Variants in SORCS1 observed in about 807,000 individuals in gnomAD.
SORCS1 encodes the protein sortilin related VPS10 domain containing receptor 1.
A neutral mutation model predicts 146.1 loss-of-function variants in SORCS1; 60 were observed. The observed-to-expected ratio is 0.41, with a 90% CI of 0.33 to 0.51. SORCS1 has a LOEUF of 0.51. Among genes scored for constraint, SORCS1 ranks in the 20% least tolerant of loss-of-function variants. The probability of loss-of-function intolerance (pLI) is 0.21; values close to 1 mark genes in which losing one functional copy is unlikely to be tolerated. For synonymous variants in SORCS1, 637 were observed against 584.0 expected (o/e 1.09, Z -1.31); for missense variants, 1,352 against 1,487.6 (o/e 0.91, Z 1.50).
In SORCS1 at chr10:106,939,159, C is replaced by T. The variant is rs77957829; in HGVS notation, c.626+17354G>A. ...GCAAAATTAGAAAGAAAACTGACAT[C>T]ACAATAAATACCAATCAAGTTCCAA... On this transcript the variant is annotated intron_variant, in intron 2 of 25. Transcript: ENST00000263054. Among the ~76,000 whole-genome samples, 986 of 152,286 alleles carry T rather than the reference C, an allele frequency of 6.5e-3. 10 individuals are homozygous for T. Among genetic ancestry groups the T allele is most frequent in the African/African-American group, 0.023 (957 of 41,554 alleles).
intron 2 of SORCS1, among the ~76,000 whole-genome samples, chr10:106,840,865 T>TATATATA (rs1564721109): frequency 2.6e-5 from 3 of 116,140 alleles, no homozygotes; most frequent in African/African-American, 3.8e-5. Flanking sequence ...ATATATATAT[T>TATATATA]TTTTTTTTTT....
intron 1 of SORCS1, among the ~76,000 whole-genome samples, chr10:106,999,533 A>G (rs1191085618): frequency 1.3e-5 from 2 of 152,188 alleles, no homozygotes; most frequent in African/African-American, 4.8e-5. Context: ...CACAGAAGAA[A>G]CAGGATTCTG....
intron 5 of SORCS1, among the ~76,000 whole-genome samples, chr10:106,735,581 A>G (rs981839709): frequency 6.6e-6 from 1 of 152,226 alleles, no homozygotes; most frequent in Middle Eastern, 3.2e-3. Context: ...AGTGAAGAGC[A>G]TTCCATTTAC....
At chr10:106,849,976 C>G (rs1220953138) in intron 2 of SORCS1, among the ~76,000 whole-genome samples, 1 of 152,148 alleles carries the variant, frequency 6.6e-6, no homozygotes, top group African/African-American at 2.4e-5. Flanking sequence ...GGAAGAACCA[C>G]TGCTGTCTTC....
intron 3 of SORCS1, among the ~76,000 whole-genome samples, chr10:106,828,270 C>T (rs533759361): frequency 2.0e-5 from 3 of 152,286 alleles, no homozygotes; most frequent in Non-Finnish European, 2.9e-5. Flanking sequence ...TACTGAAGAA[C>T]TTGAAATGCT....
intron 9 of SORCS1, among the ~76,000 whole-genome samples, chr10:106,695,631 G>C (rs1050346086): frequency 6.6e-6 from 1 of 152,178 alleles, no homozygotes; most frequent in Non-Finnish European, 1.5e-5. Flanking sequence ...GAATGGGAGA[G>C]TTATGGAAGG....
intron 3 of SORCS1, among the ~76,000 whole-genome samples, chr10:106,805,841 G>A (rs1277369924): frequency 1.3e-5 from 2 of 151,914 alleles, no homozygotes; most frequent in Non-Finnish European, 1.5e-5. Flanking sequence ...GGTGGATCAC[G>A]AGGTCAGGAG....
At chr10:106,777,724 C>T (rs1354605852) in intron 3 of SORCS1, among the ~76,000 whole-genome samples, 2 of 152,194 alleles carry the variant, frequency 1.3e-5, no homozygotes, top group Admixed American at 1.3e-4. Flanking sequence ...GCCTTAAATC[C>T]TCATTTTATG....
rs79183235 is a variant in SORCS1 at position 107,064,004 on chromosome 10, G to A, written c.558+99965C>T. On this transcript the variant is annotated intron_variant, in intron 1 of 25. Transcript: ENST00000263054. Reference sequence around the variant, plus strand: ...AACACTTTCTAGGCCTCATTGAGTCGAAAGACATTAACCAACCATCTTCAT... The same window carrying A: ...AACACTTTCTAGGCCTCATTGAGTCAAAAGACATTAACCAACCATCTTCAT... 6.0e-4 allele frequency among the ~76,000 whole-genome samples: 92 copies of A among 152,208 alleles called. 1 individual carries two copies. The highest frequency in any genetic ancestry group is 5.2e-3 in the East Asian group (27 of 5,178).
intron 1 of SORCS1, among the ~76,000 whole-genome samples, chr10:107,115,406 G>A (rs995104291): frequency 6.6e-6 from 1 of 151,966 alleles, no homozygotes; most frequent in Admixed American, 6.6e-5. Context: ...TAAAAACAGA[G>A]ATACTAACCA....
chr10:106,714,229 C>A (rs1470615579), intron 6 of SORCS1, among the ~76,000 whole-genome samples: 1 of 143,770 alleles, frequency 7.0e-6, no homozygotes, highest in Non-Finnish European at 1.5e-5. Flanking sequence ...AGGATCAATG[C>A]AAAGATTCAA....
At chr10:107,002,509 C>G (rs1289257819) in intron 1 of SORCS1, among the ~76,000 whole-genome samples, 2 of 152,142 alleles carry the variant, frequency 1.3e-5, no homozygotes, top group Non-Finnish European at 2.9e-5. Flanking sequence ...CCACATAGCA[C>G]ATAATGAAGC....
chr10:106,783,855 G>A (rs148395870), intron 3 of SORCS1, among the ~76,000 whole-genome samples: 1 of 152,230 alleles, frequency 6.6e-6, no homozygotes, highest in Non-Finnish European at 1.5e-5. Flanking sequence ...AATCTCTGAT[G>A]TAATGTTCTT....
intron 1 of SORCS1, among the ~76,000 whole-genome samples, chr10:107,122,524 T>C (rs991566292): frequency 6.6e-6 from 1 of 152,180 alleles, no homozygotes; most frequent in Non-Finnish European, 1.5e-5. Flanking sequence ...AAGAAGGAAA[T>C]AAGGTAAGAC....
chr10:107,082,143 G>A (rs1274513131), intron 1 of SORCS1, among the ~76,000 whole-genome samples: 2 of 138,850 alleles, frequency 1.4e-5, no homozygotes, highest in East Asian at 4.0e-4. Flanking sequence ...AATCACACCT[G>A]CACTTTCGGA....
chr10:107,148,463 C>T (rs935561985), intron 1 of SORCS1, among the ~76,000 whole-genome samples: 1 of 152,054 alleles, frequency 6.6e-6, no homozygotes, highest in Non-Finnish European at 1.5e-5. Flanking sequence ...TTAGATTTTC[C>T]AGTCACTTAA....
At chr10:106,910,986 A>G (rs1392276126) in intron 2 of SORCS1, among the ~76,000 whole-genome samples, 1 of 152,210 alleles carries the variant, frequency 6.6e-6, no homozygotes, top group Non-Finnish European at 1.5e-5. Flanking sequence ...GAATAATAAG[A>G]CTTGAATTAC....
chr10:106,751,491 C>T (rs933689425), intron 5 of SORCS1, among the ~76,000 whole-genome samples: 1 of 152,172 alleles, frequency 6.6e-6, no homozygotes, highest in Admixed American at 6.5e-5. Context: ...AGGACAGGCT[C>T]GCACTGTGAG....
intron 1 of SORCS1, among the ~76,000 whole-genome samples, chr10:107,024,030 C>T (rs549796804): frequency 1.1e-4 from 17 of 152,040 alleles, no homozygotes; most frequent in African/African-American, 3.6e-4. Flanking sequence ...AAAAATTAGC[C>T]GGGCATGGTG....
Sources: gnomAD v4.1 joint callset for allele counts (sites outside exome capture counted in the v4.1 genomes callset) on GRCh38, gnomAD v4.1.1 for gene constraint, MANE v1.5 for transcripts, NCBI Gene and HGNC (gene_info 2026-07-23, HGNC 2026-07-21) for gene names.